The following SLC25A21 variants were observed in gnomAD, a reference collection of about 807,000 sequenced individuals.
SLC25A21 encodes solute carrier family 25 member 21.
Under a neutral mutation model 43.8 loss-of-function variants are expected in SLC25A21, and 47 were observed. The observed-to-expected ratio is 1.07, with a 90% CI of 0.85 to 1.37. The LOEUF is 1.37. Ranked by LOEUF, SLC25A21 falls within the 40% of genes most tolerant of loss-of-function variation. The probability of loss-of-function intolerance (pLI) is 0.00; values close to 1 mark genes in which losing one functional copy is unlikely to be tolerated. For synonymous variants in SLC25A21, 131 were observed against 121.3 expected, an observed-to-expected ratio of 1.08 and a Z score of -0.52; for missense variants, 352 against 350.2, an observed-to-expected ratio of 1.00 and a Z score of -0.04.
At chr14:36,734,474 C>T (rs777190276) in intron 4 of SLC25A21, 33 bp downstream of exon 4, 2 of 1,568,750 alleles carry the variant, frequency 1.3e-6, no homozygotes, top group South Asian at 1.2e-5. Flanking sequence ...CTGTGCCCTA[C>T]TTTTGCTTGG....
intron 1 of SLC25A21, among the ~76,000 whole-genome samples, chr14:36,934,643 C>T (rs908385205): frequency 2.0e-5 from 3 of 151,838 alleles, no homozygotes; most frequent in Admixed American, 1.3e-4. Flanking sequence ...TGGTAGGATT[C>T]TGCTTCTAGT....
intron 1 of SLC25A21, among the ~76,000 whole-genome samples, chr14:37,017,005 C>T (rs1960871769): frequency 6.6e-6 from 1 of 152,066 alleles, no homozygotes; most frequent in Non-Finnish European, 1.5e-5. Context: ...TCTATCCAGA[C>T]TACTAAAACT....
At chr14:37,134,752 T>C (rs1963449839) in intron 1 of SLC25A21, among the ~76,000 whole-genome samples, 1 of 149,480 alleles carries the variant, frequency 6.7e-6, no homozygotes, top group Admixed American at 6.7e-5. Flanking sequence ...ATATAGGGAG[T>C]TACCAGATGA....
chr14:37,058,083 T>C (rs1392812678), intron 1 of SLC25A21, among the ~76,000 whole-genome samples: 1 of 152,210 alleles, frequency 6.6e-6, no homozygotes. Flanking sequence ...CTACAGTCTA[T>C]TGATCCAAAA....
At chr14:36,973,754 G>T (rs948597258) in intron 1 of SLC25A21, among the ~76,000 whole-genome samples, 3 of 152,196 alleles carry the variant, frequency 2.0e-5, no homozygotes, top group African/African-American at 7.2e-5. Context: ...GAGTTTTAAA[G>T]ATCTAAGGAA....
intron 2 of SLC25A21, among the ~76,000 whole-genome samples, chr14:36,841,396 T>C (rs1889379618): frequency 6.6e-6 from 1 of 152,338 alleles, no homozygotes; most frequent in South Asian, 2.1e-4. Context: ...ATGTACACAG[T>C]CCTCCAGAAT....
At chr14:36,988,129 A>G (rs1420340796) in intron 1 of SLC25A21, among the ~76,000 whole-genome samples, 1 of 152,214 alleles carries the variant, frequency 6.6e-6, no homozygotes, top group Non-Finnish European at 1.5e-5. Context: ...GCCATTTGAC[A>G]TACCTGTCCC....
chr14:36,754,671 TGAAA>T (rs1885856407), intron 3 of SLC25A21, among the ~76,000 whole-genome samples: 1 of 151,948 alleles, frequency 6.6e-6, no homozygotes, highest in Non-Finnish European at 1.5e-5. Flanking sequence ...TGTGGGCACT[TGAAA>T]GAATTTCCAG....
intron 1 of SLC25A21, among the ~76,000 whole-genome samples, chr14:37,055,554 T>C (rs1405396711): frequency 6.6e-6 from 1 of 152,146 alleles, no homozygotes; most frequent in African/African-American, 2.4e-5. Flanking sequence ...CTGGGCCTCT[T>C]GAAACATTCT....
rs1209240124 is a variant in SLC25A21 at position 36,678,474 on chromosome 14, G to T, written c.*2184C>A. 22 of 1,535,458 alleles carry T rather than the reference G, an allele frequency of 1.4e-5. No homozygotes were observed. Among genetic ancestry groups the T allele is most frequent in the Non-Finnish European group, 1.8e-5 (21 of 1,145,476 alleles). The stretch of plus-strand genomic sequence containing the variant: ...CTTGTAAAACTTCCATTGACATCTG[G>T]AGTTCCCAGTCTGGTGAGAAAATAG... On this transcript the variant is annotated 3_prime_UTR_variant, in exon 10 of 10. Coordinates refer to ENST00000331299, the MANE Select transcript of SLC25A21 (RefSeq NM_030631.4).
At chr14:37,108,248 G>C (rs1373971251) in intron 1 of SLC25A21, among the ~76,000 whole-genome samples, 1 of 152,150 alleles carries the variant, frequency 6.6e-6, no homozygotes, top group Non-Finnish European at 1.5e-5. Flanking sequence ...ATCATGTGCA[G>C]TGCACAAAGG....
At chr14:37,080,969 T>C (rs1241757393) in intron 1 of SLC25A21, among the ~76,000 whole-genome samples, 1 of 152,196 alleles carries the variant, frequency 6.6e-6, no homozygotes. Flanking sequence ...TAAATGGTTA[T>C]CGACTACCTC....
chr14:36,906,139 TAAA>T (rs1891527785), intron 1 of SLC25A21, among the ~76,000 whole-genome samples: 1 of 152,192 alleles, frequency 6.6e-6, no homozygotes, highest in Admixed American at 6.5e-5. Flanking sequence ...GAAAATGAAT[TAAA>T]AATATTTTTA....
At chr14:37,172,138 G>A (rs938038140) in intron 1 of SLC25A21, 143 bp downstream of exon 1, 15 of 855,370 alleles carry the variant, frequency 1.8e-5, no homozygotes, top group African/African-American at 8.6e-5. Flanking sequence ...CGCGCCTCTA[G>A]GGGCTCAAGC....
rs780646880 is a variant in SLC25A21, at chr14:37,172,359, G to A, written c.-9C>T. 16 of 1,593,656 alleles carry A rather than the reference G, an allele frequency of 1.0e-5. No individual in the cohort carries two copies. Among genetic ancestry groups the A allele is most frequent in the Admixed American group, 3.5e-5 (2 of 57,292 alleles). ...TCAGGCTTGGCGGACATCTTCGCCA[G>A]GCGGGAGGACAAGGGAGTGGGCTGA... On this transcript the variant is annotated 5_prime_UTR_variant, in exon 1 of 10. Coordinates refer to ENST00000331299, the MANE Select transcript of SLC25A21 (RefSeq NM_030631.4).
At chr14:37,029,756 G>A (rs1425289567) in intron 1 of SLC25A21, among the ~76,000 whole-genome samples, 1 of 138,814 alleles carries the variant, frequency 7.2e-6, no homozygotes, top group East Asian at 2.1e-4. Context: ...ACTAATAGCC[G>A]ACTTTTTTTT....
At chr14:36,830,758 C>T (rs1320282276) in intron 2 of SLC25A21, among the ~76,000 whole-genome samples, 1 of 152,148 alleles carries the variant, frequency 6.6e-6, no homozygotes, top group African/African-American at 2.4e-5. Flanking sequence ...ACATCATCCC[C>T]TCCTCAATAT....
At chr14:36,789,197 C>T (rs1887356762) in intron 3 of SLC25A21, among the ~76,000 whole-genome samples, 1 of 152,062 alleles carries the variant, frequency 6.6e-6, no homozygotes, top group South Asian at 2.1e-4. Context: ...GGAGTTAATA[C>T]TGACATTGCA....
chr14:36,899,908 T>A (rs1891354285), intron 1 of SLC25A21, among the ~76,000 whole-genome samples: 1 of 152,194 alleles, frequency 6.6e-6, no homozygotes, highest in Non-Finnish European at 1.5e-5. Flanking sequence ...GCTGGAGGAA[T>A]TTGTATGAGA....
Sources: gnomAD v4.1 joint callset for allele counts (sites outside exome capture counted in the v4.1 genomes callset) on GRCh38, gnomAD v4.1.1 for gene constraint, MANE v1.5 for transcripts, NCBI Gene and HGNC (gene_info 2026-07-23, HGNC 2026-07-21) for gene names.